The following STARD13 variants were observed in gnomAD, a reference collection of about 807,000 sequenced individuals.
STARD13 encodes StAR related lipid transfer domain containing 13.
In STARD13, 62 loss-of-function variants were observed where a neutral mutation model predicts 106.4. The ratio of observed to expected loss-of-function variants is 0.58; its 90% CI spans 0.48 to 0.72. The LOEUF (loss-of-function observed/expected upper bound fraction) is 0.72. Ranked by LOEUF, STARD13 falls within the 30% of genes least tolerant of loss-of-function variation. The pLI, the probability that STARD13 is intolerant of heterozygous loss-of-function variation, is 0.00. For missense variants in STARD13, 1,387 were observed against 1,424.0 expected (o/e 0.97, Z 0.42); for synonymous variants, 565 against 553.0 (o/e 1.02, Z -0.31).
the STARD13 span, among the ~76,000 whole-genome samples, chr13:33,472,643 C>T: frequency 1.6e-4 from 25 of 152,270 alleles, no homozygotes; most frequent in African/African-American, 5.1e-4. Flanking sequence ...ACACCTATGT[C>T]AGCTATGGAG....
chr13:33,444,735 C>G, the STARD13 span, among the ~76,000 whole-genome samples: 12 of 152,164 alleles, frequency 7.9e-5, no homozygotes, highest in African/African-American at 2.9e-4. Context: ...CACCACTGCA[C>G]TCCAGCCTGG....
chr13:33,163,707 TAA>T (rs759522409), intron 3 of STARD13, among the ~76,000 whole-genome samples: 204 of 123,880 alleles, frequency 1.6e-3, no homozygotes, highest in East Asian at 4.7e-3. Flanking sequence ...AACATATATA[TAA>T]AACATATATA....
chr13:33,343,367 G>A (rs1351337410), intron 1 of STARD13, among the ~76,000 whole-genome samples: 2 of 151,028 alleles, frequency 1.3e-5, no homozygotes, highest in East Asian at 3.9e-4. Flanking sequence ...TTGAGCCCAG[G>A]AGTTTGAGAC....
the STARD13 span, among the ~76,000 whole-genome samples, chr13:33,517,479 A>G: frequency 6.6e-6 from 1 of 152,198 alleles, no homozygotes; most frequent in African/African-American, 2.4e-5. Context: ...ACAGGGGCAG[A>G]ATGTTCACAG....
At chr13:33,495,574 A>G in the STARD13 span, among the ~76,000 whole-genome samples, 4 of 152,016 alleles carry the variant, frequency 2.6e-5, no homozygotes, top group East Asian at 1.9e-4. Context: ...CAGATTTCCA[A>G]TCTTCTAAAC....
intron 1 of STARD13, chr13:33,205,779 C>T (rs1230762819): frequency 1.1e-5 from 10 of 896,054 alleles, no homozygotes; most frequent in Non-Finnish European, 1.3e-5. Context: ...GTTGTCTTTC[C>T]CACCACCACG....
chr13:33,453,734 A>G, the STARD13 span, among the ~76,000 whole-genome samples: 17 of 152,250 alleles, frequency 1.1e-4, no homozygotes, highest in Non-Finnish European at 1.8e-4. Flanking sequence ...CATTTTAAAA[A>G]GAAGATAAAA....
chr13:33,250,725 A>G (rs559107571), intron 1 of STARD13, among the ~76,000 whole-genome samples: 1 of 152,304 alleles, frequency 6.6e-6, no homozygotes, highest in African/African-American at 2.4e-5. Context: ...GAAATCTTTA[A>G]ATATTCTCAG....
intron 1 of STARD13, among the ~76,000 whole-genome samples, chr13:33,213,677 A>T (rs1313277240): frequency 2.0e-5 from 3 of 152,222 alleles, no homozygotes; most frequent in Non-Finnish European, 2.9e-5. Flanking sequence ...TGCTCATGGC[A>T]AGACAAGATT....
the STARD13 span, among the ~76,000 whole-genome samples, chr13:33,458,815 CTTTTT>C: frequency 5.3e-5 from 6 of 113,516 alleles, no homozygotes; most frequent in African/African-American, 2.1e-4. Context: ...AACATGTTTA[CTTTTT>C]TTTTTTTTTT....
At chr13:33,392,852 C>T in the STARD13 span, among the ~76,000 whole-genome samples, 4 of 152,202 alleles carry the variant, frequency 2.6e-5, no homozygotes, top group Non-Finnish European at 5.9e-5. Flanking sequence ...ATGTGGGTCA[C>T]CTTTCAACTA....
intron 7 of STARD13, among the ~76,000 whole-genome samples, chr13:33,121,901 G>C (rs985531913): frequency 2.0e-5 from 3 of 151,128 alleles, no homozygotes; most frequent in Admixed American, 6.6e-5. Flanking sequence ...GTTGGAGTGC[G>C]ATGGCACGAT....
chr13:33,312,648 A>G (rs950972613), intron 1 of STARD13, among the ~76,000 whole-genome samples: 7 of 152,174 alleles, frequency 4.6e-5, no homozygotes, highest in Non-Finnish European at 1.0e-4. Context: ...TGCTTTGTGG[A>G]CTTGCTCCTT....
Position 33,294,104 on chromosome 13 carries a change from T to A in STARD13, c.124+56186A>T, listed in dbSNP as rs973642941. On this transcript the variant is annotated intron_variant, in intron 1 of 5. Transcript: ENST00000567873. ...GGGAGCCTGGAGGGATGAGCAAACC[T>A]CTTGCTCCACAAAGAGGGGATAAAG... Among the ~76,000 whole-genome samples, 180 of 152,282 alleles carry A rather than the reference T, an allele frequency of 1.2e-3. 2 individuals carry two copies. The highest frequency in any genetic ancestry group is 2.2e-4 in the Non-Finnish European group (15 of 68,024).
chr13:33,306,269 G>T (rs1235779718), intron 1 of STARD13, among the ~76,000 whole-genome samples: 1 of 152,126 alleles, frequency 6.6e-6, no homozygotes, highest in Non-Finnish European at 1.5e-5. Context: ...AAAGTGACTA[G>T]CTATACGCAG....
chr13:33,297,108 T>G (rs756179590), intron 1 of STARD13, among the ~76,000 whole-genome samples: 1 of 152,250 alleles, frequency 6.6e-6, no homozygotes, highest in Non-Finnish European at 1.5e-5. Context: ...CAGAGACTCC[T>G]GAGATTTTTT....
intron 1 of STARD13, among the ~76,000 whole-genome samples, chr13:33,230,992 A>G (rs894715538): frequency 3.9e-5 from 6 of 152,352 alleles, no homozygotes; most frequent in Non-Finnish European, 8.8e-5. Context: ...CTTATTTCCA[A>G]CTGGAGAGAT....
chr13:33,529,713 GT>G, the STARD13 span, among the ~76,000 whole-genome samples: 1 of 152,162 alleles, frequency 6.6e-6, no homozygotes, highest in Non-Finnish European at 1.5e-5. Flanking sequence ...AAAAGGAAGT[GT>G]TCATAGAGGT....
At chr13:33,574,463 G>C in the STARD13 span, among the ~76,000 whole-genome samples, 3 of 152,082 alleles carry the variant, frequency 2.0e-5, no homozygotes, top group Admixed American at 2.0e-4. Context: ...CAGAAAATAG[G>C]TCAGGCTCAT....
Sources: gnomAD v4.1 joint callset for allele counts (sites outside exome capture counted in the v4.1 genomes callset) on GRCh38, gnomAD v4.1.1 for gene constraint, MANE v1.5 for transcripts, NCBI Gene and HGNC (gene_info 2026-07-23, HGNC 2026-07-21) for gene names.